The following PALLD variants were observed in gnomAD, a reference collection of about 807,000 sequenced individuals.
The protein encoded by PALLD is palladin, cytoskeletal associated protein.
A neutral mutation model predicts 123.5 loss-of-function variants in PALLD; 61 were observed. The observed-to-expected ratio is 0.49, with a 90% CI of 0.40 to 0.61. The LOEUF (loss-of-function observed/expected upper bound fraction) is 0.61. Ranked by LOEUF, PALLD falls within the 20% of genes least tolerant of loss-of-function variation. The probability of loss-of-function intolerance (pLI) is 0.00; values close to 1 mark genes in which losing one functional copy is unlikely to be tolerated. For missense variants in PALLD, 1,273 were observed against 1,377.0 expected, an observed-to-expected ratio of 0.92 and a Z score of 1.20; for synonymous variants, 465 against 496.4, an observed-to-expected ratio of 0.94 and a Z score of 0.84.
chr4:168,529,608 T>C (rs932265515), intron 2 of PALLD, among the ~76,000 whole-genome samples: 1 of 152,114 alleles, frequency 6.6e-6, no homozygotes, highest in African/African-American at 2.4e-5. Context: ...CTAAGAACAA[T>C]CGTTTAATAT....
At chr4:168,892,632 G>A (rs1754310896) in intron 11 of PALLD, among the ~76,000 whole-genome samples, 1 of 151,940 alleles carries the variant, frequency 6.6e-6, no homozygotes, top group Non-Finnish European at 1.5e-5. Context: ...ACATACTCTG[G>A]AAGTTTTCCC....
intron 2 of PALLD, among the ~76,000 whole-genome samples, chr4:168,556,099 A>AT (rs1329235900): frequency 7.0e-6 from 1 of 142,406 alleles, no homozygotes; most frequent in Non-Finnish European, 1.6e-5. Flanking sequence ...TCATATTAAT[A>AT]CCCTTTTTTT....
At chr4:168,601,788 G>A (rs539526179) in intron 2 of PALLD, among the ~76,000 whole-genome samples, 1 of 152,132 alleles carries the variant, frequency 6.6e-6, no homozygotes, top group Non-Finnish European at 1.5e-5. Context: ...AATATTTCAG[G>A]GGCTCCAGGG....
At chr4:168,585,461 T>C (rs1169022797) in intron 2 of PALLD, among the ~76,000 whole-genome samples, 1 of 152,066 alleles carries the variant, frequency 6.6e-6, no homozygotes, top group African/African-American at 2.4e-5. Flanking sequence ...GCCTTATGCC[T>C]CTCCTCCCAC....
In PALLD at chr4:168,627,468, C is replaced by T. The variant is rs1214776065; in HGVS notation, c.909-40722C>T. Among the ~76,000 whole-genome samples the T allele has an allele frequency of 3.3e-5, 5 of 152,270 alleles. No homozygotes were observed. The East Asian group carries it at 9.6e-4, about 29-fold the overall frequency. On this transcript the variant is annotated intron_variant, in intron 2 of 21. Transcript: ENST00000505667. ...GTGGTTGCAGTGAGCCAAGATTGTACAATTGCACTCCAGCCTGGGTGACAG... is the reference window on the plus strand; with the variant it reads ...GTGGTTGCAGTGAGCCAAGATTGTATAATTGCACTCCAGCCTGGGTGACAG...
chr4:168,915,577 ATG>A (rs1759923425), intron 16 of PALLD, among the ~76,000 whole-genome samples: 1 of 152,202 alleles, frequency 6.6e-6, no homozygotes, highest in African/African-American at 2.4e-5. Flanking sequence ...TTGGTAATAA[ATG>A]AGCAATAATG....
chr4:168,553,586 A>G (rs1766965840), intron 2 of PALLD, among the ~76,000 whole-genome samples: 1 of 152,222 alleles, frequency 6.6e-6, no homozygotes, highest in African/African-American at 2.4e-5. Flanking sequence ...GCTGTCAGAA[A>G]AAGAAGGCTG....
intron 2 of PALLD, among the ~76,000 whole-genome samples, chr4:168,540,539 A>G (rs562378284): frequency 1.3e-5 from 2 of 152,326 alleles, no homozygotes; most frequent in African/African-American, 4.8e-5. Flanking sequence ...TCAGTTAGAC[A>G]AGAGCCTGGA....
At chr4:168,660,042 A>G (rs564936630) in intron 2 of PALLD, among the ~76,000 whole-genome samples, 43 of 152,308 alleles carry the variant, frequency 2.8e-4, no homozygotes, top group Admixed American at 8.5e-4. Context: ...TATCATAAAA[A>G]TCAACACCCA....
intron 10 of PALLD, among the ~76,000 whole-genome samples, chr4:168,845,031 G>A (rs534950964): frequency 2.1e-5 from 3 of 144,632 alleles, no homozygotes; most frequent in Non-Finnish European, 4.5e-5. Flanking sequence ...TGGAGAGTTT[G>A]GGAGAAGGCT....
rs574337195 is a variant in PALLD, at chr4:168,553,318, A to G, written c.908+40906A>G. 2.9e-4 allele frequency among the ~76,000 whole-genome samples: 44 copies of G among 152,352 alleles called. 1 individual carries two copies. Among genetic ancestry groups the G allele is most frequent in the African/African-American group, 9.6e-4 (40 of 41,584 alleles). On this transcript the variant is annotated intron_variant, in intron 2 of 21. Coordinates refer to ENST00000505667, the MANE Select transcript of PALLD (RefSeq NM_001166108.2). The stretch of plus-strand genomic sequence containing the variant: ...CTTATAATGTTGTAATGGCTCTGGT[A>G]AAAGTCTGCAAAAGGTAGAGATGGG...
intron 10 of PALLD, among the ~76,000 whole-genome samples, chr4:168,772,202 G>T (rs7679564): frequency 0.34 from 51,784 of 151,728 alleles, 9,459 homozygotes; most frequent in Non-Finnish European, 0.42. Context: ...ACGACTAGAG[G>T]GAGCAAGTGA....
chr4:168,524,345 T>C (rs1763848457), intron 2 of PALLD, among the ~76,000 whole-genome samples: 1 of 152,234 alleles, frequency 6.6e-6, no homozygotes, highest in Non-Finnish European at 1.5e-5. Context: ...TTCTCCATTT[T>C]AAAAATAACA....
In PALLD at chr4:168,709,138, G is replaced by A; in HGVS notation, c.1612G>A (p.Val538Ile). 6.2e-7 allele frequency: 1 copy of A among 1,613,914 alleles called. No homozygotes were observed. The highest frequency in any genetic ancestry group is 8.5e-7 in the Non-Finnish European group (1 of 1,179,950). ...GSATSTAQLV[V>I]TSANTENCSY... ...AGCAACCAGCACTGCCCAGCTGGTT[G>A]TCACCTCAGGTATGTGAGGAGTAAA... Residue 538 changes from valine to isoleucine, a missense_variant, in exon 9 of 22, where the codon GTC becomes ATC. Val to Ile is a conservative substitution (Grantham distance 29). Transcript: ENST00000505667.
intron 10 of PALLD, among the ~76,000 whole-genome samples, chr4:168,861,590 T>G (rs993775792): frequency 4.6e-5 from 7 of 152,186 alleles, no homozygotes; most frequent in Non-Finnish European, 8.8e-5. Context: ...TAACTTATGG[T>G]CACAAAGATT....
At chr4:168,897,423 T>G (rs1755447120) in intron 13 of PALLD, among the ~76,000 whole-genome samples, 2 of 152,158 alleles carry the variant, frequency 1.3e-5, no homozygotes, top group South Asian at 4.1e-4. Flanking sequence ...ATAGGGAATA[T>G]TTACATAGAC....
chr4:168,897,965 AT>A (rs146746895), intron 13 of PALLD: 19,138 of 146,878 alleles, frequency 0.13, 1,323 homozygotes, highest in Middle Eastern at 0.22. Flanking sequence ...AAAAACAAAC[AT>A]TTTTTTTTTT....
intron 2 of PALLD, among the ~76,000 whole-genome samples, chr4:168,627,490 A>T (rs1481943395): frequency 1.3e-5 from 2 of 152,206 alleles, no homozygotes; most frequent in African/African-American, 4.8e-5. Context: ...AGCCTGGGTG[A>T]CAGAGTGAGA....
At chr4:168,772,983 G>T (rs1227779703) in intron 10 of PALLD, among the ~76,000 whole-genome samples, 1 of 152,106 alleles carries the variant, frequency 6.6e-6, no homozygotes, top group African/African-American at 2.4e-5. Flanking sequence ...CGTTTAATGG[G>T]TTTACATTAT....
Sources: gnomAD v4.1 joint callset for allele counts (sites outside exome capture counted in the v4.1 genomes callset) on GRCh38, gnomAD v4.1.1 for gene constraint, MANE v1.5 for transcripts, NCBI Gene and HGNC (gene_info 2026-07-23, HGNC 2026-07-21) for gene names.